QTGAL: variants seen among roughly 807,000 people sequenced by gnomAD.
QTGAL encodes the protein queuosine-tRNA galactosyltransferase.
the QTGAL span, among the ~76,000 whole-genome samples, chr17:83,033,078 G>T: frequency 6.6e-6 from 1 of 152,226 alleles, no homozygotes; most frequent in African/African-American, 2.4e-5. Flanking sequence ...AGAAGCCCCG[G>T]AACCTGGCCA....
At chr17:83,019,860 A>G in the QTGAL span, among the ~76,000 whole-genome samples, 3 of 151,740 alleles carry the variant, frequency 2.0e-5, no homozygotes, top group Non-Finnish European at 4.4e-5. Flanking sequence ...CAACCTCCCG[A>G]GTAGCTGGAA....
chr17:82,979,156 A>G, the QTGAL span, among the ~76,000 whole-genome samples: 2 of 152,206 alleles, frequency 1.3e-5, no homozygotes, highest in Non-Finnish European at 2.9e-5. Flanking sequence ...AAACAGAAAA[A>G]CAATAGAGGA....
chr17:82,970,640 G>C, the QTGAL span, among the ~76,000 whole-genome samples: 9,271 of 45,568 alleles, frequency 0.2, 1,943 homozygotes, highest in Non-Finnish European at 0.26. Flanking sequence ...CGCGACCTCC[G>C]CACCCGGTGT....
chr17:82,994,922 G>T, the QTGAL span, among the ~76,000 whole-genome samples: 1 of 152,174 alleles, frequency 6.6e-6, no homozygotes, highest in Admixed American at 6.5e-5. Context: ...CATGTCAACA[G>T]AATAGACACA....
the QTGAL span, among the ~76,000 whole-genome samples, chr17:83,046,834 TGACA>T: frequency 6.6e-6 from 1 of 152,210 alleles, no homozygotes; most frequent in Non-Finnish European, 1.5e-5. Flanking sequence ...GTCCACTGCC[TGACA>T]AACAGACACA....
At chr17:83,019,003 T>C in the QTGAL span, among the ~76,000 whole-genome samples, 1 of 152,206 alleles carries the variant, frequency 6.6e-6, no homozygotes, top group Non-Finnish European at 1.5e-5. Context: ...CCCCCTGACG[T>C]TGTGGTCTAC....
the QTGAL span, among the ~76,000 whole-genome samples, chr17:83,042,177 G>A: frequency 6.6e-6 from 1 of 152,118 alleles, no homozygotes; most frequent in South Asian, 2.1e-4. Flanking sequence ...GACCAGCCTG[G>A]GCAACAGGAC....
the QTGAL span, among the ~76,000 whole-genome samples, chr17:83,045,901 G>A: frequency 1.4e-5 from 2 of 143,316 alleles, no homozygotes; most frequent in African/African-American, 3.0e-5. Flanking sequence ...AGCAGAGATC[G>A]CGATCTCTGC....
chr17:83,047,859 A>G, the QTGAL span, among the ~76,000 whole-genome samples: 7 of 130,908 alleles, frequency 5.3e-5, no homozygotes, highest in Non-Finnish European at 1.7e-5. Flanking sequence ...TTAGGTCTAT[A>G]ATAAATCCTT....
At chr17:82,957,405 T>G in the QTGAL span, 2 of 1,613,154 alleles carry the variant, frequency 1.2e-6, no homozygotes, top group East Asian at 4.5e-5. Context: ...CCGGCGCCCC[T>G]GCTTGCCAGC....
chr17:83,050,492 A>C, the QTGAL span, among the ~76,000 whole-genome samples: 1 of 152,236 alleles, frequency 6.6e-6, no homozygotes, highest in African/African-American at 2.4e-5. Flanking sequence ...ACAAAATATA[A>C]TGTTTCTATC....
the QTGAL span, among the ~76,000 whole-genome samples, chr17:83,047,148 C>T: frequency 5.9e-5 from 9 of 152,206 alleles, no homozygotes; most frequent in East Asian, 1.9e-4. Context: ...CCAAGAGTAA[C>T]GCTCCAGCAG....
At chr17:83,005,085 C>T in the QTGAL span, 337 of 1,563,540 alleles carry the variant, frequency 2.2e-4, 1 homozygote, top group Middle Eastern at 1.6e-3. The surrounding 1 kb of genome is among the most constrained non-coding windows in gnomAD (Gnocchi z 5.6). Flanking sequence ...ACCTGTGCAC[C>T]TGCCCCAGAC....
chr17:82,998,941 T>C, the QTGAL span, among the ~76,000 whole-genome samples: 7 of 142,690 alleles, frequency 4.9e-5, no homozygotes, highest in African/African-American at 1.9e-4. Flanking sequence ...TACCACTACA[T>C]ACCTACTAGA....
chr17:82,962,219 C>T, the QTGAL span, among the ~76,000 whole-genome samples: 1 of 152,164 alleles, frequency 6.6e-6, no homozygotes, highest in Non-Finnish European at 1.5e-5. Context: ...TGTTTGCTCC[C>T]AGGACAGACA....
chr17:82,961,290 G>C, the QTGAL span: 4 of 1,444,846 alleles, frequency 2.8e-6, no homozygotes, highest in African/African-American at 4.2e-5. Flanking sequence ...CGGTGGAAAA[G>C]GCTTTTGTTG....
At chr17:83,004,600 A>G in the QTGAL span, among the ~76,000 whole-genome samples, 361 of 50,408 alleles carry the variant, frequency 7.2e-3, 1 homozygote, top group Middle Eastern at 0.014. Flanking sequence ...TGCAGTCCGC[A>G]TGTGGGATTC....
chr17:82,960,126 G>A, the QTGAL span, among the ~76,000 whole-genome samples: 9 of 152,196 alleles, frequency 5.9e-5, no homozygotes, highest in Admixed American at 1.3e-4. Flanking sequence ...AGAGGAGCGC[G>A]GACGCGGGAG....
At chr17:82,961,037 G>A in the QTGAL span, 51 of 1,599,680 alleles carry the variant, frequency 3.2e-5, no homozygotes, top group African/African-American at 6.0e-4. Context: ...GCGTCCCGGG[G>A]CCGGGCGGGG....
Sources: allele counts gnomAD v4.1 joint callset (sites outside exome capture counted in the v4.1 genomes callset), GRCh38; gene constraint gnomAD v4.1.1; non-coding constraint Gnocchi (gnomAD v3.1); transcripts MANE v1.5; gene names NCBI Gene and HGNC (gene_info 2026-07-23, HGNC 2026-07-21).